The following FARS2 variants were observed in gnomAD, a reference collection of about 807,000 sequenced individuals.
FARS2 encodes phenylalanine--tRNA ligase, mitochondrial.
A neutral mutation model predicts 46.4 loss-of-function variants in FARS2; 40 were observed. The observed-to-expected ratio is 0.86, with a 90% CI of 0.67 to 1.12. The LOEUF (loss-of-function observed/expected upper bound fraction) is 1.12. Ranked by LOEUF, FARS2 falls within the 50% of genes most tolerant of loss-of-function variation. The pLI, the probability that FARS2 is intolerant of heterozygous loss-of-function variation, is 0.00. For missense variants in FARS2, 513 were observed against 567.9 expected (o/e 0.90, Z 0.98); for synonymous variants, 234 against 214.9 (o/e 1.09, Z -0.78).
intron 6 of FARS2, among the ~76,000 whole-genome samples, chr6:5,758,183 T>C (rs536285163): frequency 1.3e-5 from 2 of 151,636 alleles, no homozygotes; most frequent in African/African-American, 4.8e-5. Context: ...TATGTTGAAG[T>C]CCTGTAATGC....
intron 1 of FARS2, among the ~76,000 whole-genome samples, chr6:5,266,244 C>T (rs938879975): frequency 6.6e-6 from 1 of 152,174 alleles, no homozygotes; most frequent in Non-Finnish European, 1.5e-5. Flanking sequence ...AGGGTGAGAA[C>T]GGGGAGATCC....
At chr6:5,623,971 G>C (rs6930787) in intron 6 of FARS2, among the ~76,000 whole-genome samples, 15,086 of 152,206 alleles carry the variant, frequency 0.099, 2,104 homozygotes, top group African/African-American at 0.31. Flanking sequence ...AGAGAGCCAT[G>C]GGTACAGGGA....
intron 3 of FARS2, among the ~76,000 whole-genome samples, chr6:5,422,177 C>G (rs533586385): frequency 6.6e-6 from 1 of 152,216 alleles, no homozygotes; most frequent in Non-Finnish European, 1.5e-5. Context: ...GTTTTTAAAC[C>G]CGTCAGATCT....
At chr6:5,664,277 A>G (rs775919739) in intron 6 of FARS2, among the ~76,000 whole-genome samples, 12 of 152,234 alleles carry the variant, frequency 7.9e-5, no homozygotes, top group Non-Finnish European at 1.5e-4. Flanking sequence ...GTCAAAGACT[A>G]TCCAAGTGGC....
At chr6:5,515,644 G>A (rs956268874) in intron 4 of FARS2, among the ~76,000 whole-genome samples, 1 of 152,112 alleles carries the variant, frequency 6.6e-6, no homozygotes, top group African/African-American at 2.4e-5. Flanking sequence ...GGCCAGGCTG[G>A]TCTTGAACTC....
intron 5 of FARS2, among the ~76,000 whole-genome samples, chr6:5,578,045 C>T (rs1773091478): frequency 6.6e-6 from 1 of 152,162 alleles, no homozygotes; most frequent in African/African-American, 2.4e-5. Flanking sequence ...TCGTGATCCG[C>T]CCATCTCGGC....
chr6:5,656,654 G>T (rs1386225926), intron 6 of FARS2, among the ~76,000 whole-genome samples: 3 of 151,918 alleles, frequency 2.0e-5, no homozygotes, highest in Non-Finnish European at 2.9e-5. Context: ...GGGTTCAAGA[G>T]GTTCTCCTGC....
chr6:5,487,308 A>G (rs1423712484), intron 4 of FARS2, among the ~76,000 whole-genome samples: 2 of 152,182 alleles, frequency 1.3e-5, no homozygotes, highest in Non-Finnish European at 2.9e-5. Flanking sequence ...CCATAACCCC[A>G]TGACTGTACA....
intron 5 of FARS2, among the ~76,000 whole-genome samples, chr6:5,584,481 G>T (rs1414740058): frequency 2.0e-5 from 3 of 152,022 alleles, no homozygotes; most frequent in South Asian, 2.1e-4. Flanking sequence ...TTTTAAATGT[G>T]GTTTCAAAGG....
chr6:5,378,218 A>G (rs1015065955), intron 2 of FARS2, among the ~76,000 whole-genome samples: 5 of 152,104 alleles, frequency 3.3e-5, no homozygotes, highest in African/African-American at 1.2e-4. Flanking sequence ...AGGAGCGTAG[A>G]AGGATGTTGA....
At chr6:5,592,977 A>T (rs914883908) in intron 5 of FARS2, among the ~76,000 whole-genome samples, 1 of 152,174 alleles carries the variant, frequency 6.6e-6, no homozygotes, top group Non-Finnish European at 1.5e-5. Context: ...TCTTAAGGCG[A>T]TCGGCGCTTC....
At chr6:5,609,285 T>G in intron 5 of FARS2, 1 of 1,056,878 alleles carries the variant, frequency 9.5e-7, no homozygotes, top group South Asian at 1.2e-5. Context: ...CTAGCCACCT[T>G]GGTTTCATGG....
At position 5,545,261 on chromosome 6, in the gene FARS2, T is replaced by A; in HGVS notation, c.986T>A (p.Ile329Asn). The change falls in exon 5 of 7, where the codon ATC (isoleucine) becomes AAC (asparagine). Residue 329 changes from isoleucine to asparagine, a missense_variant. Coordinates refer to ENST00000274680, the MANE Select transcript of FARS2 (RefSeq NM_006567.5). ...LAMILYDIPD[I>N]RLFWCEDERF... ...ATGATCCTCTACGACATCCCTGATATCCGTCTCTTCTGGTGTGAGGACGAG... is the reference window on the plus strand; with the variant it reads ...ATGATCCTCTACGACATCCCTGATAACCGTCTCTTCTGGTGTGAGGACGAG... 1 of 1,614,088 alleles carries A rather than the reference T, an allele frequency of 6.2e-7. No homozygotes were observed. Among genetic ancestry groups the A allele is most frequent in the South Asian group, 1.1e-5 (1 of 91,082 alleles).
chr6:5,497,007 A>G (rs1429211588), intron 4 of FARS2, among the ~76,000 whole-genome samples: 1 of 152,120 alleles, frequency 6.6e-6, no homozygotes, highest in East Asian at 1.9e-4. Flanking sequence ...TTGAGGGGGC[A>G]TGATTCAGCC....
At chr6:5,675,680 C>T (rs76120628) in intron 6 of FARS2, among the ~76,000 whole-genome samples, 1,767 of 152,200 alleles carry the variant, frequency 0.012, 35 homozygotes, top group African/African-American at 0.041. Flanking sequence ...ACTTAGAAAA[C>T]GTAAAGAGAA....
chr6:5,349,286 A>G (rs531412779), intron 1 of FARS2, among the ~76,000 whole-genome samples: 3 of 152,322 alleles, frequency 2.0e-5, no homozygotes, highest in African/African-American at 7.2e-5. Context: ...AACATATTGG[A>G]TCTGTATGTT....
At chr6:5,519,197 GGGTGTT>G (rs1208083932) in intron 4 of FARS2, among the ~76,000 whole-genome samples, 1 of 152,178 alleles carries the variant, frequency 6.6e-6, no homozygotes. Context: ...CCCAAAGGAA[GGGTGTT>G]GTTTCCCATG....
At chr6:5,619,923 C>T (rs563280209) in intron 6 of FARS2, among the ~76,000 whole-genome samples, 2 of 152,276 alleles carry the variant, frequency 1.3e-5, no homozygotes, top group East Asian at 1.9e-4. Flanking sequence ...GAGATTCACC[C>T]ATCATCTCAA....
chr6:5,691,441 T>C (rs190761983), intron 6 of FARS2, among the ~76,000 whole-genome samples: 282 of 152,350 alleles, frequency 1.9e-3, no homozygotes, highest in African/African-American at 6.4e-3. Flanking sequence ...TGTTGGAGTT[T>C]GCTGGAGGTC....
Sources: allele counts gnomAD v4.1 joint callset (sites outside exome capture counted in the v4.1 genomes callset), GRCh38; gene constraint gnomAD v4.1.1; transcripts MANE v1.5; gene names NCBI Gene and HGNC (gene_info 2026-07-23, HGNC 2026-07-21).